The following INPP4B variants were observed in gnomAD, a reference collection of about 807,000 sequenced individuals.
INPP4B encodes inositol polyphosphate 4-phosphatase type II.
INPP4B carries 55 observed loss-of-function variants against 122.5 expected under a neutral mutation model. That is an observed-to-expected ratio of 0.45 (90% CI 0.36 to 0.56). The LOEUF (loss-of-function observed/expected upper bound fraction) is 0.56, where lower values mean the gene tolerates loss of function less well. Among genes scored for constraint, INPP4B ranks in the 20% least tolerant of loss-of-function variants. The pLI is 0.00. For missense variants in INPP4B, 1,000 were observed against 1,097.7 expected (o/e 0.91, Z 1.26); for synonymous variants, 403 against 388.7 (o/e 1.04, Z -0.43).
chr4:142,423,184 T>G (rs1200039060), intron 5 of INPP4B, among the ~76,000 whole-genome samples: 1 of 152,080 alleles, frequency 6.6e-6, no homozygotes, highest in East Asian at 1.9e-4. Flanking sequence ...ATTCATAAGT[T>G]GGGCCTCTTA....
chr4:142,374,197 G>A (rs1790990948), intron 7 of INPP4B, among the ~76,000 whole-genome samples: 2 of 151,898 alleles, frequency 1.3e-5, no homozygotes, highest in South Asian at 4.1e-4. Flanking sequence ...AGTAAAGTAA[G>A]GCTCTCAGTG....
chr4:142,591,051 A>T (rs1737379689), intron 2 of INPP4B, among the ~76,000 whole-genome samples: 1 of 152,164 alleles, frequency 6.6e-6, no homozygotes, highest in Non-Finnish European at 1.5e-5. Flanking sequence ...CTGGTGGCTC[A>T]TACCTGTAAT....
At chr4:142,457,143 A>G (rs757704862) in intron 3 of INPP4B, among the ~76,000 whole-genome samples, 4 of 152,058 alleles carry the variant, frequency 2.6e-5, no homozygotes, top group Non-Finnish European at 5.9e-5. Flanking sequence ...TCAACTCACT[A>G]TTAATAATCT....
chr4:142,082,220 A>G, intron 24 of INPP4B, 35 bp from the exon 25 acceptor site: 2 of 1,473,938 alleles, frequency 1.4e-6, no homozygotes, highest in East Asian at 4.6e-5. Flanking sequence ...TTTCTTGTTC[A>G]TTTGTAATAC....
intron 21 of INPP4B, among the ~76,000 whole-genome samples, chr4:142,113,141 G>A (rs1242637649): frequency 6.6e-6 from 1 of 151,990 alleles, no homozygotes; most frequent in Non-Finnish European, 1.5e-5. Context: ...TGTTTATGAT[G>A]CGCTGATGGA....
intron 1 of INPP4B, among the ~76,000 whole-genome samples, chr4:142,794,209 G>C (rs1776927353): frequency 6.6e-6 from 1 of 152,014 alleles, no homozygotes; most frequent in East Asian, 1.9e-4. Flanking sequence ...AGGAGGACCT[G>C]TCTTGCCAGA....
At chr4:142,443,515 C>A (rs1177147873) in intron 3 of INPP4B, among the ~76,000 whole-genome samples, 1 of 152,138 alleles carries the variant, frequency 6.6e-6, no homozygotes, top group East Asian at 1.9e-4. Context: ...TCCTTTATTA[C>A]TATAGAGTGA....
intron 2 of INPP4B, among the ~76,000 whole-genome samples, chr4:142,596,096 C>T (rs978001509): frequency 4.6e-5 from 7 of 152,094 alleles, no homozygotes; most frequent in South Asian, 2.1e-4. Flanking sequence ...ATGCCTGCCT[C>T]GGCTTCCCAA....
At chr4:142,785,591 G>A (rs757455348) in intron 1 of INPP4B, among the ~76,000 whole-genome samples, 11 of 152,016 alleles carry the variant, frequency 7.2e-5, no homozygotes, top group East Asian at 3.9e-4. Context: ...AAAAGAATCC[G>A]TGAGTTTGAA....
At chr4:142,625,341 G>A (rs1746095283) in intron 2 of INPP4B, among the ~76,000 whole-genome samples, 1 of 151,878 alleles carries the variant, frequency 6.6e-6, no homozygotes, top group Non-Finnish European at 1.5e-5. Flanking sequence ...ACCAATAACA[G>A]ACAAAGAGAG....
chr4:142,237,591 A>T (rs1857216906), intron 12 of INPP4B, among the ~76,000 whole-genome samples: 1 of 152,016 alleles, frequency 6.6e-6, no homozygotes, highest in African/African-American at 2.4e-5. Context: ...AGTAATCAAT[A>T]GTTACATGGG....
In INPP4B at chr4:142,632,588, G is replaced by A. The variant is rs181090594; in HGVS notation, c.-191+93251C>T. Among the ~76,000 whole-genome samples the A allele has an allele frequency of 2.1e-3, 321 of 151,578 alleles. 3 individuals carry two copies. The highest frequency in any genetic ancestry group is 6.9e-3 in the Middle Eastern group (2 of 288). ...AGAGCAATAAAAATAATAAATATGC[G>A]AATATCTACATAAATATCAATGCTA... On this transcript the variant is annotated intron_variant, in intron 2 of 25. Transcript: ENST00000262992.
At chr4:142,168,289 C>CATTTCTG (rs1379036897) in intron 16 of INPP4B, among the ~76,000 whole-genome samples, 3 of 150,946 alleles carry the variant, frequency 2.0e-5, no homozygotes, top group African/African-American at 7.3e-5. Flanking sequence ...CCTTTTTTGT[C>CATTTCTG]ATTTCTGTTT....
At chr4:142,375,175 C>T (rs979501381) in intron 7 of INPP4B, among the ~76,000 whole-genome samples, 16 of 151,670 alleles carry the variant, frequency 1.1e-4, no homozygotes, top group Admixed American at 6.6e-5. Context: ...TTTCATCTTC[C>T]TTGACAGCTC....
intron 2 of INPP4B, among the ~76,000 whole-genome samples, chr4:142,643,515 TG>T (rs1180174736): frequency 6.6e-6 from 1 of 152,184 alleles, no homozygotes; most frequent in African/African-American, 2.4e-5. Flanking sequence ...GACCTGATGA[TG>T]GTTGCAGGGG....
intron 12 of INPP4B, among the ~76,000 whole-genome samples, chr4:142,218,046 G>GTGTA (rs1412331820): frequency 6.6e-6 from 1 of 151,936 alleles, no homozygotes; most frequent in East Asian, 1.9e-4. Flanking sequence ...TTGTGTGTGT[G>GTGTA]TGTGTGTGTG....
chr4:142,037,224 T>C (rs1744536627), intron 25 of INPP4B, among the ~76,000 whole-genome samples: 1 of 152,162 alleles, frequency 6.6e-6, no homozygotes, highest in Non-Finnish European at 1.5e-5. Flanking sequence ...AGAAACAAGT[T>C]AAAAGACATG....
At chr4:142,208,076 C>T (rs914242529) in intron 14 of INPP4B, among the ~76,000 whole-genome samples, 2 of 151,760 alleles carry the variant, frequency 1.3e-5, no homozygotes, top group African/African-American at 4.8e-5. Flanking sequence ...TTTCTCAAGA[C>T]AGGAAAAATA....
intron 1 of INPP4B, among the ~76,000 whole-genome samples, chr4:142,784,524 G>C (rs919348317): frequency 4.3e-4 from 65 of 152,082 alleles, no homozygotes; most frequent in Non-Finnish European, 5.9e-4. Context: ...ACCAAGAAGA[G>C]CTTACCTGGA....
Sources: allele counts gnomAD v4.1 joint callset (sites outside exome capture counted in the v4.1 genomes callset), GRCh38; gene constraint gnomAD v4.1.1; transcripts MANE v1.5; gene names NCBI Gene and HGNC (gene_info 2026-07-23, HGNC 2026-07-21).